GPR39: variants seen among roughly 807,000 people sequenced by gnomAD.
The protein encoded by GPR39 is zinc sensing receptor.
In GPR39, 23 loss-of-function variants were observed where a neutral mutation model predicts 18.4. The ratio of observed to expected loss-of-function variants is 1.25; its 90% confidence interval spans 0.90 to 1.77. The LOEUF is 1.77. Ranked by LOEUF, GPR39 falls within the 40% of genes most tolerant of loss-of-function variation. GPR39 has a pLI of 0.00. For synonymous variants in GPR39, 280 were observed against 257.9 expected (o/e 1.09, Z -0.82); for missense variants, 647 against 602.4 (o/e 1.07, Z -0.78).
intron 1 of GPR39, among the ~76,000 whole-genome samples, chr2:132,598,604 G>A (rs770138991): frequency 6.6e-6 from 1 of 151,998 alleles, no homozygotes; most frequent in Non-Finnish European, 1.5e-5. Flanking sequence ...CTTCCTAGAT[G>A]TGGCACTGGG....
intron 1 of GPR39, chr2:132,604,785 A>C (rs1407552259): frequency 6.6e-6 from 1 of 152,314 alleles, no homozygotes; most frequent in Non-Finnish European, 1.5e-5. Flanking sequence ...GAGAAGCAGC[A>C]GGAGAGAGTT....
At chr2:132,533,913 A>T (rs1236767488) in intron 1 of GPR39, among the ~76,000 whole-genome samples, 1 of 152,222 alleles carries the variant, frequency 6.6e-6, no homozygotes, top group African/African-American at 2.4e-5. Flanking sequence ...ACGAAATACC[A>T]TTCAGGACAT....
intron 1 of GPR39, among the ~76,000 whole-genome samples, chr2:132,589,153 C>T (rs1045310937): frequency 2.0e-5 from 3 of 152,166 alleles, no homozygotes; most frequent in African/African-American, 7.2e-5. Flanking sequence ...TAGGTCCAGG[C>T]AAAGAATCGT....
At chr2:132,603,741 C>T (rs1432046337) in intron 1 of GPR39, among the ~76,000 whole-genome samples, 2 of 152,170 alleles carry the variant, frequency 1.3e-5, no homozygotes, top group African/African-American at 4.8e-5. Context: ...CTAAAATCCA[C>T]TGAAGTCAGG....
At chr2:132,432,864 G>A (rs1680247848) in intron 1 of GPR39, among the ~76,000 whole-genome samples, 1 of 152,172 alleles carries the variant, frequency 6.6e-6, no homozygotes, top group Admixed American at 6.5e-5. Flanking sequence ...ACTGGTCTAA[G>A]GTTGATTTGA....
chr2:132,422,352 C>A (rs1044885177), intron 1 of GPR39, among the ~76,000 whole-genome samples: 3 of 152,126 alleles, frequency 2.0e-5, no homozygotes, highest in African/African-American at 7.2e-5. Flanking sequence ...AATTCTGTAC[C>A]CTGTGTGCAG....
chr2:132,622,864 C>T (rs1034930567), intron 1 of GPR39, among the ~76,000 whole-genome samples: 4 of 152,120 alleles, frequency 2.6e-5, no homozygotes, highest in African/African-American at 9.7e-5. Flanking sequence ...CCTGTAATCC[C>T]AGCACTTTGC....
intron 1 of GPR39, among the ~76,000 whole-genome samples, chr2:132,474,061 C>T (rs1253607187): frequency 6.6e-6 from 1 of 152,196 alleles, no homozygotes; most frequent in African/African-American, 2.4e-5. Context: ...GACATGACAT[C>T]AGTGTGTCCT....
At chr2:132,461,745 A>G (rs1680835845) in intron 1 of GPR39, among the ~76,000 whole-genome samples, 1 of 152,232 alleles carries the variant, frequency 6.6e-6, no homozygotes, top group African/African-American at 2.4e-5. Flanking sequence ...TCATAGTATT[A>G]AAGCATTTGA....
At chr2:132,586,369 G>T (rs748165628) in intron 1 of GPR39, among the ~76,000 whole-genome samples, 26 of 152,144 alleles carry the variant, frequency 1.7e-4, no homozygotes, top group Admixed American at 5.2e-4. Flanking sequence ...CTGGTGACAG[G>T]CGCGCTCCAG....
intron 1 of GPR39, among the ~76,000 whole-genome samples, chr2:132,525,537 C>T (rs752711620): frequency 6.6e-5 from 10 of 152,178 alleles, no homozygotes; most frequent in African/African-American, 1.2e-4. Flanking sequence ...TTTTATGCTA[C>T]GCAGAATTCA....
In GPR39 at chr2:132,635,242, C is replaced by G. The variant is rs1036391805; in HGVS notation, c.857-9859C>G. On this transcript the variant is annotated intron_variant, in intron 1 of 1. Coordinates refer to ENST00000329321, the MANE Select transcript of GPR39 (RefSeq NM_001508.3). ...ACCAGAGCCCCTCACCTGGAACTCT[C>G]TTTCCCTCCTGCAAACATTTATTGA... Among the ~76,000 whole-genome samples the G allele has an allele frequency of 2.6e-5, 4 of 152,354 alleles. No individual in the cohort carries two copies. The South Asian group carries it at 8.3e-4, about 32-fold the overall frequency.
chr2:132,592,867 T>G (rs1183882970), intron 1 of GPR39, among the ~76,000 whole-genome samples: 3 of 151,530 alleles, frequency 2.0e-5, no homozygotes, highest in Non-Finnish European at 4.4e-5. Context: ...GATGAAGGAG[T>G]TAGTCCTCTA....
At chr2:132,620,839 A>G (rs1280168775) in intron 1 of GPR39, among the ~76,000 whole-genome samples, 2 of 151,806 alleles carry the variant, frequency 1.3e-5, no homozygotes, top group Non-Finnish European at 2.9e-5. Flanking sequence ...CACAAGCTCC[A>G]CCTCCCAGGT....
chr2:132,560,563 T>A (rs1349164266), intron 1 of GPR39, among the ~76,000 whole-genome samples: 5 of 152,240 alleles, frequency 3.3e-5, no homozygotes, highest in African/African-American at 1.2e-4. Context: ...ACACTGGCCT[T>A]CCGATTTCCC....
intron 1 of GPR39, among the ~76,000 whole-genome samples, chr2:132,502,581 G>A (rs1249825334): frequency 1.3e-5 from 2 of 152,152 alleles, no homozygotes; most frequent in Middle Eastern, 3.2e-3. Flanking sequence ...TTTCCCAAGT[G>A]TTCTTTGGGC....
At chr2:132,424,216 A>G (rs933448867) in intron 1 of GPR39, among the ~76,000 whole-genome samples, 2 of 152,176 alleles carry the variant, frequency 1.3e-5, no homozygotes, top group Non-Finnish European at 2.9e-5. Context: ...AATCTATTGA[A>G]CAAGATGTTA....
At chr2:132,464,171 T>A (rs1573614728) in intron 1 of GPR39, among the ~76,000 whole-genome samples, 1 of 152,328 alleles carries the variant, frequency 6.6e-6, no homozygotes, top group East Asian at 1.9e-4. Flanking sequence ...GAAGAAGAAG[T>A]ATCACATGAG....
intron 1 of GPR39, among the ~76,000 whole-genome samples, chr2:132,481,671 T>C (rs1369456011): frequency 6.6e-6 from 1 of 152,218 alleles, no homozygotes; most frequent in Non-Finnish European, 1.5e-5. Context: ...CTTAGAAAAT[T>C]TTCCTTAGGC....
Sources: gnomAD v4.1 joint callset for allele counts (sites outside exome capture counted in the v4.1 genomes callset) on GRCh38, gnomAD v4.1.1 for gene constraint, MANE v1.5 for transcripts, NCBI Gene and HGNC (gene_info 2026-07-23, HGNC 2026-07-21) for gene names.